The following DGKB variants were observed in gnomAD, a reference collection of about 807,000 sequenced individuals.
DGKB encodes 90 kDa diacylglycerol kinase.
Under a neutral mutation model 114.3 loss-of-function variants are expected in DGKB, and 67 were observed. That is an observed-to-expected ratio of 0.59 (90% CI 0.48 to 0.72). DGKB has a LOEUF of 0.72. Among genes scored for constraint, DGKB ranks in the 30% least tolerant of loss-of-function variants. DGKB has a pLI of 0.00. For synonymous variants in DGKB, 398 were observed against 323.1 expected (o/e 1.23, Z -2.49); for missense variants, 907 against 975.2 (o/e 0.93, Z 0.93).
chr7:14,810,811 G>A (rs566922075), intron 2 of DGKB, among the ~76,000 whole-genome samples: 1 of 152,132 alleles, frequency 6.6e-6, no homozygotes, highest in African/African-American at 2.4e-5. Context: ...GTTTCGCCAT[G>A]TTGGCCAGGC....
At chr7:14,870,498 T>G (rs1004385237) in intron 1 of DGKB, among the ~76,000 whole-genome samples, 1 of 152,180 alleles carries the variant, frequency 6.6e-6, no homozygotes, top group East Asian at 1.9e-4. Flanking sequence ...ATATTTTACT[T>G]TAAATTAACA....
intron 2 of DGKB, among the ~76,000 whole-genome samples, chr7:14,811,886 T>G (rs1746191761): frequency 1.5e-5 from 2 of 130,466 alleles, no homozygotes. Flanking sequence ...GCACTATGTA[T>G]CTTTAGAACT....
chr7:14,313,025 T>C (rs1015290716), intron 23 of DGKB, among the ~76,000 whole-genome samples: 6 of 152,174 alleles, frequency 3.9e-5, no homozygotes, highest in Admixed American at 3.9e-4. Flanking sequence ...CATTCAAAGT[T>C]CAAGACATAC....
chr7:14,690,896 T>C (rs1309070524), intron 9 of DGKB, among the ~76,000 whole-genome samples: 2 of 152,204 alleles, frequency 1.3e-5, no homozygotes, highest in Admixed American at 1.3e-4. Flanking sequence ...GTAATCAGAA[T>C]CACAAAGCCA....
At chr7:14,630,388 C>T in intron 13 of DGKB, 120 bp from the exon 14 acceptor site, 1 of 619,382 alleles carries the variant, frequency 1.6e-6, no homozygotes, top group Non-Finnish European at 2.7e-6. Context: ...AAATACATTT[C>T]CTTGGTATAA....
chr7:14,253,717 T>A (rs527501613), intron 23 of DGKB, among the ~76,000 whole-genome samples: 8 of 152,286 alleles, frequency 5.3e-5, no homozygotes, highest in South Asian at 4.1e-4. Flanking sequence ...AATGACCTCT[T>A]TACTTTTTAT....
chr7:14,762,423 C>A (rs959584757), intron 2 of DGKB, among the ~76,000 whole-genome samples: 2 of 151,948 alleles, frequency 1.3e-5, no homozygotes, highest in Admixed American at 6.6e-5. Flanking sequence ...TAGGGATCAA[C>A]GTTAAATTTT....
At chr7:14,825,580 C>A (rs1222060920) in intron 2 of DGKB, among the ~76,000 whole-genome samples, 1 of 152,038 alleles carries the variant, frequency 6.6e-6, no homozygotes, top group Non-Finnish European at 1.5e-5. Context: ...AGGCGAGGCT[C>A]AGGTGGTAAT....
At chr7:14,211,041 G>C (rs970029549) in intron 23 of DGKB, among the ~76,000 whole-genome samples, 2 of 152,046 alleles carry the variant, frequency 1.3e-5, no homozygotes, top group Non-Finnish European at 2.9e-5. Context: ...TCCCCAGGGT[G>C]AAGGTGTTCT....
intron 21 of DGKB, among the ~76,000 whole-genome samples, chr7:14,469,593 T>A (rs1780973772): frequency 6.6e-6 from 1 of 152,034 alleles, no homozygotes; most frequent in African/African-American, 2.4e-5. Context: ...TGTTCTGGTT[T>A]TATTAATGGT....
upstream of DGKB, chr7:14,902,936 G>A (rs1044642245): frequency 1.2e-4 from 19 of 152,114 alleles, no homozygotes; most frequent in Admixed American, 1.2e-3. Context: ...GAAAGACGTA[G>A]GTTTCCGGAG....
chr7:14,855,430 G>T (rs540949058), intron 1 of DGKB, among the ~76,000 whole-genome samples: 3 of 152,142 alleles, frequency 2.0e-5, no homozygotes, highest in Non-Finnish European at 4.4e-5. Flanking sequence ...CTAGAAAAAA[G>T]ATCTAGAACT....
chr7:14,733,785 G>GAAAGAAAC (rs1465635342), intron 5 of DGKB, among the ~76,000 whole-genome samples: 1 of 148,982 alleles, frequency 6.7e-6, no homozygotes, highest in Non-Finnish European at 1.5e-5. Flanking sequence ...AAGGAAGAAA[G>GAAAGAAAC]AAAGAAGGGA....
intron 23 of DGKB, among the ~76,000 whole-genome samples, chr7:14,221,507 T>A (rs978963618): frequency 6.6e-6 from 1 of 151,414 alleles, no homozygotes. Context: ...CAACTCTCAT[T>A]CCTGGGATAA....
chr7:14,167,606 C>A (rs991601552), intron 25 of DGKB, among the ~76,000 whole-genome samples: 1 of 152,148 alleles, frequency 6.6e-6, no homozygotes, highest in Non-Finnish European at 1.5e-5. Context: ...ATAGATTTGA[C>A]CTTAACAAAC....
chr7:14,234,484 T>C (rs947479593), intron 23 of DGKB, among the ~76,000 whole-genome samples: 1 of 152,072 alleles, frequency 6.6e-6, no homozygotes, highest in South Asian at 2.1e-4. Flanking sequence ...GTGAAATATT[T>C]GTTACAAATA....
chr7:14,820,027 A>G (rs1844696778), intron 2 of DGKB, among the ~76,000 whole-genome samples: 1 of 152,160 alleles, frequency 6.6e-6, no homozygotes, highest in South Asian at 2.1e-4. Context: ...ATTTTTGAAT[A>G]AAAGAGAAGG....
intron 1 of DGKB, among the ~76,000 whole-genome samples, chr7:14,967,449 T>TG (rs1787219581): frequency 1.3e-5 from 2 of 152,052 alleles, no homozygotes; most frequent in East Asian, 3.9e-4. Flanking sequence ...GCCTTCCAAG[T>TG]AGCTGGGATT....
chr7:14,204,111 T>G (rs78026632), intron 23 of DGKB, among the ~76,000 whole-genome samples: 1 of 152,122 alleles, frequency 6.6e-6, no homozygotes, highest in African/African-American at 2.4e-5. Flanking sequence ...AGAAAATGAA[T>G]TGGTATAATT....
Sources: allele counts gnomAD v4.1 joint callset (sites outside exome capture counted in the v4.1 genomes callset), GRCh38; gene constraint gnomAD v4.1.1; transcripts MANE v1.5; gene names NCBI Gene and HGNC (gene_info 2026-07-23, HGNC 2026-07-21).